The following AKT2 variants were observed in gnomAD, a reference collection of about 807,000 sequenced individuals.
AKT2 encodes AKT serine/threonine kinase 2, also known as RAC-beta serine/threonine-protein kinase.
A neutral mutation model predicts 58.6 loss-of-function variants in AKT2; 16 were observed. The ratio of observed to expected loss-of-function variants is 0.27; its 90% CI spans 0.18 to 0.41. AKT2 has a LOEUF of 0.41. Ranked by LOEUF, AKT2 falls within the 10% of genes least tolerant of loss-of-function variation. AKT2 has a pLI of 1.00. For synonymous variants in AKT2, 253 were observed against 254.0 expected (o/e 1.00, Z 0.04); for missense variants, 438 against 661.0 (o/e 0.66, Z 3.70).
chr19:40,241,270 G>C (rs191797263), intron 6 of AKT2: 13 of 159,550 alleles, frequency 8.1e-5, no homozygotes, highest in Admixed American at 5.3e-4. Flanking sequence ...CGTCACATCA[G>C]GAATGAACAG....
At chr19:40,247,103 T>C (rs1435390741) in intron 4 of AKT2, among the ~76,000 whole-genome samples, 1 of 152,150 alleles carries the variant, frequency 6.6e-6, no homozygotes, top group African/African-American at 2.4e-5. Context: ...CCGATCCAAT[T>C]CTAACTGGAC....
In AKT2 at chr19:40,242,444, A is replaced by G; in HGVS notation, c.441+90T>C. On this transcript the variant is annotated intron_variant, in intron 5 of 13. Coordinates refer to ENST00000392038, the MANE Select transcript of AKT2 (RefSeq NM_001626.6). The surrounding 1 kb of genome is among the most constrained non-coding windows in gnomAD (Gnocchi z 4.3). ...CCTTGTCTCTCAGCTGAGCCCCCTGAACTGTGTTATGGAAACCAAGGAGAG... is the reference window on the plus strand; with the variant it reads ...CCTTGTCTCTCAGCTGAGCCCCCTGGACTGTGTTATGGAAACCAAGGAGAG... 1 of 1,579,596 alleles carries G rather than the reference A, an allele frequency of 6.3e-7. No homozygotes were observed. The highest frequency in any genetic ancestry group is 8.6e-7 in the Non-Finnish European group (1 of 1,157,900).
chr19:40,257,604 C>CAT (rs1975634120), intron 2 of AKT2, among the ~76,000 whole-genome samples: 1 of 151,738 alleles, frequency 6.6e-6, no homozygotes, highest in South Asian at 2.1e-4. Context: ...CACACACACA[C>CAT]ACACACACAC....
chr19:40,252,434 G>T (rs899100566), intron 4 of AKT2, among the ~76,000 whole-genome samples: 10 of 152,184 alleles, frequency 6.6e-5, no homozygotes, highest in Admixed American at 1.3e-4. Flanking sequence ...AAATGGAAAC[G>T]AGACCATCTC....
intron 4 of AKT2, among the ~76,000 whole-genome samples, chr19:40,254,915 G>A (rs975591917): frequency 6.6e-6 from 1 of 152,000 alleles, no homozygotes. Flanking sequence ...GAGGCCCAGC[G>A]GTCTAGACAT....
chr19:40,262,032 G>C (rs925362582), intron 2 of AKT2, among the ~76,000 whole-genome samples: 1 of 151,784 alleles, frequency 6.6e-6, no homozygotes, highest in South Asian at 2.1e-4. Flanking sequence ...TCTATTTCTT[G>C]AACTGTACAC....
Position 40,265,201 on chromosome 19 carries a change from C to T in AKT2, c.46+21G>A, listed in dbSNP as rs56303894. ...AGCCAGCGTGGGAGAAAGAATCTGG[C>T]GGGCAAAAGCGGCCTCTTACCACGC... On this transcript the variant is annotated intron_variant, in intron 2 of 13. Coordinates refer to ENST00000392038, the MANE Select transcript of AKT2 (RefSeq NM_001626.6). The T allele has an allele frequency of 2.2e-3, 3,587 of 1,610,482 alleles. 10 individuals are homozygous for T. Among genetic ancestry groups the T allele is most frequent in the Non-Finnish European group, 2.8e-3 (3,267 of 1,178,352 alleles).
Position 40,238,165 on chromosome 19 carries a change from GCCC to G in AKT2, c.709-77_709-75del. 6.5e-7 allele frequency: 1 copy of G among 1,536,988 alleles called. No homozygotes were observed. The highest frequency in any genetic ancestry group is 1.2e-5 in the South Asian group (1 of 83,630). ...CCTGCCCTCACCTTCCCAGCCCCCT[GCCC>G]CAGCGCAGTGATGTGGTGACACCTG... is the stretch of plus-strand genomic sequence containing the variant. On this transcript the variant is annotated intron_variant, in intron 8 of 13. Coordinates refer to ENST00000392038, the MANE Select transcript of AKT2 (RefSeq NM_001626.6). This position sits in a 1 kb window ranked among gnomAD's most constrained non-coding sequence, Gnocchi z 5.1.
At chr19:40,257,113 G>A (rs1975594258) in intron 2 of AKT2, 59 bp from the exon 3 acceptor site, 2 of 1,600,842 alleles carry the variant, frequency 1.2e-6, no homozygotes. Flanking sequence ...GATGTCCCAG[G>A]TAGGCGGCAG....
chr19:40,242,268 A>AGGGCT lies in AKT2; in HGVS notation c.442-204_442-200dup. The AGGGCT allele has an allele frequency of 1.1e-6, 1 of 896,332 alleles. No individual in the cohort carries two copies. Among genetic ancestry groups the AGGGCT allele is most frequent in the South Asian group, 1.5e-5 (1 of 65,218 alleles). The allele number at this position is 896,332 out of a possible 1,614,324, so 55.5% of individuals were successfully genotyped here. ...GGCTCTGCAGGCACAGGGCCTTGGG[A>AGGGCT]GGGCTGGGCTCTGACGTGGGGGTAG... On this transcript the variant is annotated intron_variant, in intron 5 of 13. Transcript: ENST00000392038. This position sits in a 1 kb window ranked among gnomAD's most constrained non-coding sequence, Gnocchi z 4.3.
At chr19:40,251,908 C>T (rs575415478) in intron 4 of AKT2, among the ~76,000 whole-genome samples, 2 of 152,332 alleles carry the variant, frequency 1.3e-5, no homozygotes, top group Non-Finnish European at 2.9e-5. Context: ...ATGAAGCAGA[C>T]ACGGTGAATG....
Position 40,235,465 on chromosome 19 carries a change from C to T in AKT2, c.1176-115G>A. 1.0e-6 allele frequency: 1 copy of T among 955,918 alleles called. No individual in the cohort carries two copies. Among genetic ancestry groups the T allele is most frequent in the Non-Finnish European group, 1.6e-6 (1 of 610,732 alleles). The allele number at this position is 955,918 out of a possible 1,614,324, so 59.2% of individuals were successfully genotyped here. On this transcript the variant is annotated intron_variant, in intron 11 of 13. Transcript: ENST00000392038. The surrounding 1 kb of genome is among the most constrained non-coding windows in gnomAD (Gnocchi z 6.3). ...TTAATGATTCTGTCTTGACCACAAACCACTTCACAGAGGAGGAAACCGAGG... is the reference window on the plus strand; with the variant it reads ...TTAATGATTCTGTCTTGACCACAAATCACTTCACAGAGGAGGAAACCGAGG...
At position 40,237,804 on chromosome 19, in the gene AKT2, C is replaced by T; in HGVS notation, c.831+165G>A. The T allele has an allele frequency of 9.9e-7, 1 of 1,007,180 alleles. No homozygotes were observed. The highest frequency in any genetic ancestry group is 1.4e-6 in the Non-Finnish European group (1 of 694,478). The allele number at this position is 1,007,180 out of a possible 1,614,324, so 62.4% of individuals were successfully genotyped here. ...GAGCCTGGTGAATGAGGGCAGCCAC[C>T]ACCCTGGACCTTGGTGGGGAGCCTG... On this transcript the variant is annotated intron_variant, in intron 9 of 13. Transcript: ENST00000392038. The surrounding 1 kb of genome is among the most constrained non-coding windows in gnomAD (Gnocchi z 4.5).
intron 1 of AKT2, chr19:40,279,061 G>A (rs1201297983): frequency 1.3e-5 from 2 of 152,190 alleles, no homozygotes; most frequent in Non-Finnish European, 2.9e-5. Flanking sequence ...TTCGGAAAGG[G>A]CCCACAAAGT....
intron 1 of AKT2, among the ~76,000 whole-genome samples, chr19:40,280,229 G>A (rs1450135450): frequency 2.0e-5 from 3 of 152,190 alleles, no homozygotes; most frequent in African/African-American, 7.2e-5. Context: ...GCTGCCCTGC[G>A]TTGCTATTCA....
chr19:40,242,775 G>A lies in AKT2; in HGVS notation c.288-88C>T. ...GAGTGCCACCTCCCAGCCACCCCCA[G>A]CAACAGGCAAGCAAATGACCACATA... On this transcript the variant is annotated intron_variant, in intron 4 of 13. Coordinates refer to ENST00000392038, the MANE Select transcript of AKT2 (RefSeq NM_001626.6). This position sits in a 1 kb window ranked among gnomAD's most constrained non-coding sequence, Gnocchi z 4.3. 6.9e-7 allele frequency: 1 copy of A among 1,449,626 alleles called. No individual in the cohort carries two copies. 89.8% of individuals were successfully genotyped at this position (1,449,626 alleles called of 1,614,324 possible). A position where few individuals can be genotyped will look rare whatever the true frequency, so the allele number is the denominator to read the frequency against.
chr19:40,281,235 G>C (rs551866838), intron 1 of AKT2, among the ~76,000 whole-genome samples: 1 of 152,138 alleles, frequency 6.6e-6, no homozygotes, highest in Non-Finnish European at 1.5e-5. Context: ...ATGCACCTAC[G>C]GTCCCAGCTA....
chr19:40,273,041 G>C (rs928462954), intron 1 of AKT2, among the ~76,000 whole-genome samples: 1 of 152,252 alleles, frequency 6.6e-6, no homozygotes. Flanking sequence ...TGCTCAACAC[G>C]TATCAAATAT....
At position 40,285,305 on chromosome 19, in the gene AKT2, G is replaced by A. The variant is rs2077495733; in HGVS notation, c.-209C>T. 1 of 395,022 alleles carries A rather than the reference G, an allele frequency of 2.5e-6. No individual in the cohort carries two copies. The allele number at this position is 395,022 out of a possible 1,614,324, so 24.5% of individuals were successfully genotyped here. ...CGGCGCCGGCAGCGGCAGCGGCGGCGGCGACGCCTCCTCCGAGGCAGGCCC... is the reference window on the plus strand; with the variant it reads ...CGGCGCCGGCAGCGGCAGCGGCGGCAGCGACGCCTCCTCCGAGGCAGGCCC... On this transcript the variant is annotated 5_prime_UTR_variant, in exon 1 of 14. Coordinates refer to ENST00000392038, the MANE Select transcript of AKT2 (RefSeq NM_001626.6).
Sources: gnomAD v4.1 joint callset for allele counts (sites outside exome capture counted in the v4.1 genomes callset) on GRCh38, gnomAD v4.1.1 for gene constraint, Gnocchi (gnomAD v3.1) non-coding constraint, MANE v1.5 for transcripts, NCBI Gene and HGNC (gene_info 2026-07-23, HGNC 2026-07-21) for gene names.